The following STPG2 variants were observed in gnomAD, a reference collection of about 807,000 sequenced individuals.
The protein encoded by STPG2 is sperm tail PG-rich repeat containing 2, also known as sperm-tail PG-rich repeat-containing protein 2.
STPG2 carries 56 observed loss-of-function variants against 54.2 expected under a neutral mutation model. The ratio of observed to expected loss-of-function variants is 1.03; its 90% confidence interval spans 0.83 to 1.29. The LOEUF (loss-of-function observed/expected upper bound fraction) is 1.29, where lower values mean the gene tolerates loss of function less well. Among genes scored for constraint, STPG2 ranks in the 50% most tolerant of loss-of-function variants. The probability of loss-of-function intolerance (pLI) is 0.00; values close to 1 mark genes in which losing one functional copy is unlikely to be tolerated. For missense variants in STPG2, 596 were observed against 544.9 expected (o/e 1.09, Z -0.93); for synonymous variants, 200 against 181.8 (o/e 1.10, Z -0.81).
intron 5 of STPG2, among the ~76,000 whole-genome samples, chr4:97,995,975 T>C (rs1424664725): frequency 6.6e-6 from 1 of 152,190 alleles, no homozygotes; most frequent in Non-Finnish European, 1.5e-5. Flanking sequence ...TGCTCTGAGA[T>C]AGTAAGAATC....
intron 10 of STPG2, among the ~76,000 whole-genome samples, chr4:97,696,853 G>T (rs1195752163): frequency 6.6e-6 from 1 of 152,128 alleles, no homozygotes; most frequent in Non-Finnish European, 1.5e-5. Flanking sequence ...CTGCAAGAAT[G>T]CCCATAATCA....
intron 9 of STPG2, among the ~76,000 whole-genome samples, chr4:97,745,797 A>G (rs891239678): frequency 6.6e-6 from 1 of 151,314 alleles, no homozygotes; most frequent in African/African-American, 2.4e-5. Flanking sequence ...TTTTATCTTC[A>G]TGAAACATTT....
intron 5 of STPG2, among the ~76,000 whole-genome samples, chr4:98,055,286 A>T (rs1337332686): frequency 1.3e-5 from 2 of 152,074 alleles, no homozygotes; most frequent in African/African-American, 4.8e-5. Flanking sequence ...GGGGAAGGCA[A>T]GATGGCCAAC....
At chr4:97,817,018 C>T (rs1727939535) in intron 9 of STPG2, among the ~76,000 whole-genome samples, 1 of 146,834 alleles carries the variant, frequency 6.8e-6, no homozygotes, top group Admixed American at 6.9e-5. Context: ...CCTATTGGTT[C>T]TGTTTTTCTG....
chr4:98,051,535 C>T (rs981767752), intron 5 of STPG2, among the ~76,000 whole-genome samples: 1 of 152,022 alleles, frequency 6.6e-6, no homozygotes, highest in Non-Finnish European at 1.5e-5. Flanking sequence ...TGCTCCCTTG[C>T]TCTCATCACG....
intron 3 of STPG2, among the ~76,000 whole-genome samples, chr4:98,112,852 A>G (rs1739402767): frequency 6.6e-6 from 1 of 152,046 alleles, no homozygotes; most frequent in Non-Finnish European, 1.5e-5. Context: ...TATGAGAAGA[A>G]GGAGATAATC....
chr4:97,989,917 T>C (rs956414222), intron 5 of STPG2, among the ~76,000 whole-genome samples: 9 of 152,232 alleles, frequency 5.9e-5, no homozygotes, highest in African/African-American at 2.2e-4. Flanking sequence ...CCATTTAATA[T>C]TTTCAGACTG....
intron 5 of STPG2, among the ~76,000 whole-genome samples, chr4:98,023,839 C>T (rs1578791873): frequency 1.3e-5 from 2 of 152,288 alleles, no homozygotes; most frequent in Non-Finnish European, 2.9e-5. Context: ...GAGCCATGTG[C>T]AGGATATAAT....
intron 3 of STPG2, among the ~76,000 whole-genome samples, chr4:98,125,379 ATGT>A (rs139387254): frequency 0.015 from 2,287 of 151,416 alleles, 59 homozygotes; most frequent in African/African-American, 0.052. Flanking sequence ...TTTTTTGTTG[ATGT>A]TGTTGTTGTT....
chr4:97,920,968 A>C (rs139776590), intron 8 of STPG2, among the ~76,000 whole-genome samples: 296 of 152,330 alleles, frequency 1.9e-3, no homozygotes, highest in African/African-American at 7.0e-3. Flanking sequence ...ATCAACTTGA[A>C]CAACTGTCCA....
intron 10 of STPG2, among the ~76,000 whole-genome samples, chr4:97,575,531 T>C (rs1306175550): frequency 6.6e-6 from 1 of 152,048 alleles, no homozygotes; most frequent in Admixed American, 6.6e-5. Context: ...CACATGATCA[T>C]CTCAATAGAT....
intron 8 of STPG2, among the ~76,000 whole-genome samples, chr4:97,853,549 G>T (rs1241756823): frequency 6.6e-6 from 1 of 152,006 alleles, no homozygotes; most frequent in Non-Finnish European, 1.5e-5. Context: ...AACAAAAAAA[G>T]AATAAAACAT....
chr4:97,563,430 C>G (rs1295332062), intron 10 of STPG2, among the ~76,000 whole-genome samples: 1 of 152,088 alleles, frequency 6.6e-6, no homozygotes, highest in Non-Finnish European at 1.5e-5. Context: ...TTTTGTGTCT[C>G]TATTTCCTTC....
intron 9 of STPG2, among the ~76,000 whole-genome samples, chr4:97,736,655 G>T (rs933887776): frequency 1.4e-4 from 22 of 152,290 alleles, no homozygotes; most frequent in Non-Finnish European, 3.1e-4. Flanking sequence ...CCAGGCTAGG[G>T]GAGGGGCACC....
intron 3 of STPG2, among the ~76,000 whole-genome samples, chr4:98,120,646 C>A (rs1230686204): frequency 6.6e-6 from 1 of 152,180 alleles, no homozygotes; most frequent in Non-Finnish European, 1.5e-5. Context: ...TTTTGGTTTG[C>A]ATTCCTCTAA....
chr4:97,632,610 A>G (rs1484246796), intron 10 of STPG2, among the ~76,000 whole-genome samples: 1 of 152,104 alleles, frequency 6.6e-6, no homozygotes, highest in Non-Finnish European at 1.5e-5. Context: ...ACATTTATTG[A>G]CTCACAGATA....
chr4:97,837,155 T>C (rs1728658432), intron 9 of STPG2, among the ~76,000 whole-genome samples: 1 of 151,578 alleles, frequency 6.6e-6, no homozygotes, highest in Non-Finnish European at 1.5e-5. Context: ...TTTAGGACAT[T>C]TTGGAGTTTT....
intron 5 of STPG2, among the ~76,000 whole-genome samples, chr4:98,021,353 T>A (rs560154170): frequency 7.1e-6 from 1 of 141,166 alleles, no homozygotes; most frequent in South Asian, 2.4e-4. Flanking sequence ...TAATCCTGAG[T>A]TCTAGTTTGA....
intron 8 of STPG2, among the ~76,000 whole-genome samples, chr4:97,854,310 C>G (rs559649818): frequency 1.4e-4 from 22 of 151,932 alleles, no homozygotes; most frequent in Non-Finnish European, 3.2e-4. Context: ...AATTATATTT[C>G]TCAATTTTCT....
Sources: allele counts gnomAD v4.1 joint callset (sites outside exome capture counted in the v4.1 genomes callset), GRCh38; gene constraint gnomAD v4.1.1; transcripts MANE v1.5; gene names NCBI Gene and HGNC (gene_info 2026-07-23, HGNC 2026-07-21).